CHCHD3: variants seen among roughly 807,000 people sequenced by gnomAD.
CHCHD3 encodes coiled-coil-helix-coiled-coil-helix domain containing 3.
In CHCHD3, 20 loss-of-function variants were observed where a neutral mutation model predicts 38.2. That is an observed-to-expected ratio of 0.52 (90% CI 0.37 to 0.76). The LOEUF is 0.76. CHCHD3 is among the 30% of genes least tolerant of loss of function. The probability of loss-of-function intolerance (pLI) is 0.00; values close to 1 mark genes in which losing one functional copy is unlikely to be tolerated. For missense variants in CHCHD3, 245 were observed against 279.2 expected (o/e 0.88, Z 0.87); for synonymous variants, 82 against 100.0 (o/e 0.82, Z 1.07).
chr7:133,059,508 A>G (rs1250281271), intron 2 of CHCHD3, among the ~76,000 whole-genome samples: 1 of 152,118 alleles, frequency 6.6e-6, no homozygotes, highest in Non-Finnish European at 1.5e-5. Flanking sequence ...AAACTTGTCA[A>G]GTCTACACAG....
At chr7:133,050,340 TAAAAAAAAAAAAAAAA>T (rs35635002) in intron 2 of CHCHD3, among the ~76,000 whole-genome samples, 2,121 of 32,104 alleles carry the variant, frequency 0.066, 83 homozygotes, top group African/African-American at 0.094. Context: ...GGCTGTGTCT[TAAAAAAAAAAAAAAAA>T]AAAAAAAAAA....
chr7:132,958,602 C>T (rs879751024), intron 4 of CHCHD3, among the ~76,000 whole-genome samples: 16 of 152,204 alleles, frequency 1.1e-4, no homozygotes, highest in Non-Finnish European at 2.2e-4. Context: ...TTATTTAAAA[C>T]CATGTTTTAA....
rs1232400332 is a variant in CHCHD3, at chr7:132,919,474, A to C, written c.370-33729T>G. 4.6e-5 allele frequency among the ~76,000 whole-genome samples: 7 copies of C among 152,128 alleles called. 1 individual carries two copies. The highest frequency in any genetic ancestry group is 4.6e-4 in the Admixed American group (7 of 15,268). On this transcript the variant is annotated intron_variant, in intron 4 of 7. Coordinates refer to ENST00000262570, the MANE Select transcript of CHCHD3 (RefSeq NM_017812.4). ...TCTGCCTTTCCTTGACCAAATAGTA[A>C]TCTACGACAAGTTGATCTAACTCCC...
chr7:132,909,488 C>G (rs1347682693), intron 4 of CHCHD3, among the ~76,000 whole-genome samples: 6 of 152,088 alleles, frequency 3.9e-5, no homozygotes, highest in Non-Finnish European at 7.4e-5. Flanking sequence ...GAGCCTCCAT[C>G]TCAAAAAACA....
chr7:132,841,588 T>C (rs143031905), intron 5 of CHCHD3, among the ~76,000 whole-genome samples: 1 of 152,262 alleles, frequency 6.6e-6, no homozygotes, highest in Non-Finnish European at 1.5e-5. Flanking sequence ...ATCAGTACGA[T>C]GTACCTTATG....
At chr7:132,981,821 C>T (rs1433200318) in intron 3 of CHCHD3, among the ~76,000 whole-genome samples, 4 of 152,108 alleles carry the variant, frequency 2.6e-5, no homozygotes, top group Non-Finnish European at 5.9e-5. Flanking sequence ...ACGGAGATTG[C>T]TAGAGATAAA....
intron 2 of CHCHD3, among the ~76,000 whole-genome samples, chr7:133,050,705 A>T (rs971117688): frequency 1.3e-5 from 2 of 152,214 alleles, no homozygotes; most frequent in Middle Eastern, 3.2e-3. Context: ...GTTATTTCTT[A>T]GTGGAACATA....
rs1297127974 is a variant in CHCHD3, at chr7:132,985,088, C to A, written c.252-9802G>T. Among the ~76,000 whole-genome samples, 4 of 97,812 alleles carry A rather than the reference C, an allele frequency of 4.1e-5. 1 individual carries two copies. Among genetic ancestry groups the A allele is most frequent in the African/African-American group, 1.5e-4 (4 of 26,312 alleles). The allele number at this position is 97,812 out of a possible 152,430, so 64.2% of individuals were successfully genotyped here. ...GAAGGGAGGTGGGGGGGTTAGCCCC[C>A]CGTCCGGCCAGCCGCCCCATCCGGG... On this transcript the variant is annotated intron_variant, in intron 3 of 7. Coordinates refer to ENST00000262570, the MANE Select transcript of CHCHD3 (RefSeq NM_017812.4).
intron 5 of CHCHD3, among the ~76,000 whole-genome samples, chr7:132,882,728 G>A (rs995244938): frequency 2.6e-4 from 39 of 152,140 alleles, no homozygotes; most frequent in African/African-American, 9.2e-4. Flanking sequence ...ATAATTAAAG[G>A]CAAGTTTATA....
At chr7:133,048,147 A>T (rs531570051) in intron 2 of CHCHD3, among the ~76,000 whole-genome samples, 2 of 152,222 alleles carry the variant, frequency 1.3e-5, no homozygotes, top group South Asian at 2.1e-4. Context: ...TAAATAAAAA[A>T]AAAAAAAATA....
chr7:132,949,471 T>C (rs1585666000), intron 4 of CHCHD3, among the ~76,000 whole-genome samples: 1 of 152,198 alleles, frequency 6.6e-6, no homozygotes, highest in East Asian at 1.9e-4. Context: ...TTCCATCTTC[T>C]AATGAGCCTA....
At chr7:132,847,295 G>A (rs972743731) in intron 5 of CHCHD3, 1 of 152,216 alleles carries the variant, frequency 6.6e-6, no homozygotes, top group African/African-American at 2.4e-5. Context: ...GAAGAAGGAA[G>A]AAAGAATTTG....
At chr7:132,827,373 A>G (rs1206258548) in intron 6 of CHCHD3, among the ~76,000 whole-genome samples, 1 of 152,210 alleles carries the variant, frequency 6.6e-6, no homozygotes, top group Admixed American at 6.5e-5. Flanking sequence ...TGTTTCATAT[A>G]TACTATACAT....
intron 2 of CHCHD3, among the ~76,000 whole-genome samples, chr7:133,062,746 A>G (rs899237312): frequency 5.3e-5 from 8 of 152,202 alleles, no homozygotes; most frequent in Admixed American, 2.0e-4. Context: ...AATCTACATT[A>G]TACAACCTAC....
intron 2 of CHCHD3, among the ~76,000 whole-genome samples, chr7:133,024,835 C>T (rs1157377488): frequency 1.3e-5 from 2 of 152,100 alleles, no homozygotes; most frequent in Admixed American, 6.6e-5. Flanking sequence ...TCCCTAGTGA[C>T]CTAGATTTCC....
intron 4 of CHCHD3, among the ~76,000 whole-genome samples, chr7:132,895,073 A>G (rs560142451): frequency 6.6e-6 from 1 of 152,350 alleles, no homozygotes; most frequent in African/African-American, 2.4e-5. Context: ...TAAATGTTAG[A>G]TATGAGTTCT....
rs148268014 is a variant in CHCHD3 at position 132,786,350 on chromosome 7, G to C, written c.661-690C>G. On this transcript the variant is annotated intron_variant, in intron 7 of 7. Transcript: ENST00000262570. The stretch of plus-strand genomic sequence containing the variant: ...AGAAACACAAGATTCCTTCCCAGAG[G>C]GGGAGAACGCAGATGTTCATGTGCT... 6.9e-4 allele frequency among the ~76,000 whole-genome samples: 105 copies of C among 152,292 alleles called. 1 individual carries two copies. Among genetic ancestry groups the C allele is most frequent in the Middle Eastern group, 3.4e-3 (1 of 294 alleles).
chr7:133,073,314 C>T (rs1814881162), intron 1 of CHCHD3, among the ~76,000 whole-genome samples: 1 of 151,920 alleles, frequency 6.6e-6, no homozygotes, highest in African/African-American at 2.4e-5. Context: ...TCTATGTGCC[C>T]TTGTACTGGC....
At chr7:132,931,477 C>T (rs1396562108) in intron 4 of CHCHD3, among the ~76,000 whole-genome samples, 2 of 152,190 alleles carry the variant, frequency 1.3e-5, no homozygotes, top group South Asian at 2.1e-4. Flanking sequence ...CTGGTAACAG[C>T]TGATCTCGTT....
Sources: gnomAD v4.1 joint callset for allele counts (sites outside exome capture counted in the v4.1 genomes callset) on GRCh38, gnomAD v4.1.1 for gene constraint, MANE v1.5 for transcripts, NCBI Gene and HGNC (gene_info 2026-07-23, HGNC 2026-07-21) for gene names.